Variants in STUM observed in about 807,000 individuals in gnomAD.
STUM encodes stum, mechanosensory transduction mediator homolog, also known as protein stum homolog.
Under a neutral mutation model 15.3 loss-of-function variants are expected in STUM, and 8 were observed. That is an observed-to-expected ratio of 0.52 (90% CI 0.31 to 0.94). The LOEUF (loss-of-function observed/expected upper bound fraction) is 0.94. Among genes scored for constraint, STUM ranks in the 40% least tolerant of loss-of-function variants. The pLI, the probability that STUM is intolerant of heterozygous loss-of-function variation, is 0.05. For missense variants in STUM, 142 were observed against 204.9 expected (o/e 0.69, Z 1.87); for synonymous variants, 78 against 88.7 (o/e 0.88, Z 0.68).
intron 1 of STUM, among the ~76,000 whole-genome samples, chr1:226,584,826 C>G (rs1373766882): frequency 6.6e-6 from 1 of 152,194 alleles, no homozygotes; most frequent in Non-Finnish European, 1.5e-5. Flanking sequence ...GAGGAGCTAA[C>G]TGATAGACAT....
rs1435508061 is a variant in STUM, at chr1:226,604,032, T to G, written c.*1992T>G. On this transcript the variant is annotated 3_prime_UTR_variant, in exon 4 of 4. Coordinates refer to ENST00000366788, the MANE Select transcript of STUM (RefSeq NM_001003665.4). This position sits in a 1 kb window ranked among gnomAD's most constrained non-coding sequence, Gnocchi z 4.7. ...TCTACTCAGATAAAATAGCTTCAGC[T>G]GCAGGAAGCCGCCCCCTCCCATGCC... The G allele has an allele frequency of 2.0e-5, 3 of 152,370 alleles. No individual in the cohort carries two copies. The highest frequency in any genetic ancestry group is 4.4e-5 in the Non-Finnish European group (3 of 68,198). 9.4% of individuals were successfully genotyped at this position (152,370 alleles called of 1,614,324 possible). A position where few individuals can be genotyped will look rare whatever the true frequency, so the allele number is the denominator to read the frequency against.
chr1:226,559,071 A>C (rs1475403528), intron 1 of STUM, among the ~76,000 whole-genome samples: 1 of 152,228 alleles, frequency 6.6e-6, no homozygotes, highest in East Asian at 1.9e-4. Flanking sequence ...ACAGACCATA[A>C]ATTACATTGA....
At chr1:226,587,787 A>T (rs1668020080) in intron 1 of STUM, among the ~76,000 whole-genome samples, 1 of 152,068 alleles carries the variant, frequency 6.6e-6, no homozygotes, top group Non-Finnish European at 1.5e-5. Flanking sequence ...CATGAAACCC[A>T]TGCATGGAAA....
intron 2 of STUM, among the ~76,000 whole-genome samples, chr1:226,598,758 C>T (rs1668221258): frequency 6.6e-6 from 1 of 152,244 alleles, no homozygotes; most frequent in South Asian, 2.1e-4. Context: ...CTTTGCCATG[C>T]AGCCTTCACT....
chr1:226,596,097 G>A (rs950815897), intron 1 of STUM, among the ~76,000 whole-genome samples: 1 of 152,198 alleles, frequency 6.6e-6, no homozygotes, highest in Non-Finnish European at 1.5e-5. Context: ...TCTTAGACAA[G>A]GTGAAGAATG....
At chr1:226,571,642 T>C (rs1667713527) in intron 1 of STUM, among the ~76,000 whole-genome samples, 1 of 151,870 alleles carries the variant, frequency 6.6e-6, no homozygotes, top group African/African-American at 2.4e-5. Context: ...CTTCTTCTTC[T>C]TCTTTTTTTT....
intron 1 of STUM, among the ~76,000 whole-genome samples, chr1:226,554,528 G>A (rs1667419054): frequency 6.6e-6 from 1 of 152,204 alleles, no homozygotes; most frequent in Non-Finnish European, 1.5e-5. Flanking sequence ...GAATCATCTG[G>A]AAACAAGAGT....
At chr1:226,573,388 T>A (rs1257309358) in intron 1 of STUM, among the ~76,000 whole-genome samples, 2 of 152,204 alleles carry the variant, frequency 1.3e-5, no homozygotes, top group East Asian at 3.8e-4. Flanking sequence ...CAACTCAAGC[T>A]GGTTTAAACA....
rs1667645071 is a variant in STUM at position 226,567,634 on chromosome 1, G to A, written c.202+18528G>A. Among the ~76,000 whole-genome samples, 1 of 152,166 alleles carries A rather than the reference G, an allele frequency of 6.6e-6. No individual in the cohort carries two copies. The highest frequency in any genetic ancestry group is 1.5e-5 in the Non-Finnish European group (1 of 68,022). Reference sequence around the variant, plus strand: ...ATACAAAGAGATCGAGGGAGGAGATGAACAGGTAAGACAGAGAATTTTCTA... The same window carrying A: ...ATACAAAGAGATCGAGGGAGGAGATAAACAGGTAAGACAGAGAATTTTCTA... On this transcript the variant is annotated intron_variant, in intron 1 of 3. Transcript: ENST00000366788. This position sits in a 1 kb window ranked among gnomAD's most constrained non-coding sequence, Gnocchi z 4.5.
chr1:226,601,425 A>G (rs1668260636), intron 3 of STUM, among the ~76,000 whole-genome samples: 1 of 152,124 alleles, frequency 6.6e-6, no homozygotes, highest in South Asian at 2.1e-4. Context: ...ATACCCTTTC[A>G]CACCTAAATA....
In STUM at chr1:226,593,835, C is replaced by T. The variant is rs536223869; in HGVS notation, c.203-2967C>T. ...ATCATTCCTATTCCTTGGAGGGCAG[C>T]GGGGAAGCTTGTTGGGAAAAGCAGA... On this transcript the variant is annotated intron_variant, in intron 1 of 3. Coordinates refer to ENST00000366788, the MANE Select transcript of STUM (RefSeq NM_001003665.4). Among the ~76,000 whole-genome samples, 11 of 152,230 alleles carry T rather than the reference C, an allele frequency of 7.2e-5. No homozygotes were observed. In the South Asian group the frequency reaches 8.3e-4, roughly 12 times the overall value.
Position 226,602,887 on chromosome 1 carries a change from C to T in STUM, c.*847C>T, listed in dbSNP as rs646582. 6.8e-4 allele frequency: 104 copies of T among 152,298 alleles called. 1 individual carries two copies. The highest frequency in any genetic ancestry group is 3.4e-3 in the Middle Eastern group (1 of 294). 9.4% of individuals were successfully genotyped at this position (152,298 alleles called of 1,614,324 possible). ...AAGTCATTGGGGCCAGATGTGTCTC[C>T]GAATTGAGAAATTTTAGATTTGAGA... On this transcript the variant is annotated 3_prime_UTR_variant, in exon 4 of 4. Coordinates refer to ENST00000366788, the MANE Select transcript of STUM (RefSeq NM_001003665.4).
chr1:226,590,170 C>T (rs564144927), intron 1 of STUM, among the ~76,000 whole-genome samples: 6 of 151,976 alleles, frequency 3.9e-5, no homozygotes, highest in Middle Eastern at 6.8e-3. Context: ...CCCTGTCCCC[C>T]GACCCCTCCC....
intron 1 of STUM, among the ~76,000 whole-genome samples, chr1:226,570,734 G>T (rs1313550420): frequency 3.9e-5 from 6 of 152,198 alleles, no homozygotes; most frequent in Non-Finnish European, 8.8e-5. Context: ...GGTGAGGGCT[G>T]AACCTGGGAG....
chr1:226,574,852 C>G (rs1667780836), intron 1 of STUM, among the ~76,000 whole-genome samples: 1 of 152,160 alleles, frequency 6.6e-6, no homozygotes, highest in Non-Finnish European at 1.5e-5. Flanking sequence ...GAGGGCGTGT[C>G]TCGGGGTCAG....
intron 1 of STUM, among the ~76,000 whole-genome samples, chr1:226,589,401 G>A (rs970997757): frequency 2.6e-5 from 4 of 152,226 alleles, no homozygotes; most frequent in Admixed American, 6.5e-5. Flanking sequence ...TCCCAGGACG[G>A]AAGTGGAGGG....
At chr1:226,582,923 A>G (rs1667941750) in intron 1 of STUM, among the ~76,000 whole-genome samples, 1 of 152,214 alleles carries the variant, frequency 6.6e-6, no homozygotes, top group Admixed American at 6.5e-5. Flanking sequence ...GGCTTAAAAC[A>G]ATAGTGTTTA....
rs1441610449 is a variant in STUM at position 226,549,403 on chromosome 1, C to A, written c.202+297C>A. ...GCGGCCGGAATGGCTCTGCCGGCTT[C>A]GGAGTAGGGCTCCCGTCCCGGCGCC... On this transcript the variant is annotated intron_variant, in intron 1 of 3. Transcript: ENST00000366788. The surrounding 1 kb of genome is among the most constrained non-coding windows in gnomAD (Gnocchi z 6.8). Among the ~76,000 whole-genome samples, 1 of 152,204 alleles carries A rather than the reference C, an allele frequency of 6.6e-6. No homozygotes were observed. Among genetic ancestry groups the A allele is most frequent in the East Asian group, 1.9e-4 (1 of 5,172 alleles).
rs543703795 is a variant in STUM, at chr1:226,607,445, A to G, written c.*5405A>G. The G allele has an allele frequency of 3.9e-5, 6 of 152,296 alleles. No homozygotes were observed. The highest frequency in any genetic ancestry group is 1.4e-4 in the African/African-American group (6 of 41,548). The allele number at this position is 152,296 out of a possible 1,614,324, so 9.4% of individuals were successfully genotyped here. A position where few individuals can be genotyped will look rare whatever the true frequency, so the allele number is the denominator to read the frequency against. On this transcript the variant is annotated 3_prime_UTR_variant, in exon 4 of 4. Coordinates refer to ENST00000366788, the MANE Select transcript of STUM (RefSeq NM_001003665.4). Reference sequence around the variant, plus strand: ...GACTGCCTCTCGCCTCAGTTTAACCATCTATAGGTTAGGAACAAAGAAGGG... The same window carrying G: ...GACTGCCTCTCGCCTCAGTTTAACCGTCTATAGGTTAGGAACAAAGAAGGG...
Sources: allele counts gnomAD v4.1 joint callset (sites outside exome capture counted in the v4.1 genomes callset), GRCh38; gene constraint gnomAD v4.1.1; non-coding constraint Gnocchi (gnomAD v3.1); transcripts MANE v1.5; gene names NCBI Gene and HGNC (gene_info 2026-07-23, HGNC 2026-07-21).